The following SFSWAP variants were observed in gnomAD, a reference collection of about 807,000 sequenced individuals.
SFSWAP encodes the protein splicing factor, suppressor of white-apricot homolog.
In SFSWAP, 17 loss-of-function variants were observed where a neutral mutation model predicts 100.7. The observed-to-expected ratio is 0.17, with a 90% CI of 0.12 to 0.25. The LOEUF is 0.25. Among genes scored for constraint, SFSWAP ranks in the 10% least tolerant of loss-of-function variants. The pLI is 1.00. For missense variants in SFSWAP, 1,005 were observed against 1,262.6 expected, an observed-to-expected ratio of 0.80 and a Z score of 3.09; for synonymous variants, 504 against 510.1, an observed-to-expected ratio of 0.99 and a Z score of 0.16.
Position 131,786,494 on chromosome 12 carries a change from C to T in SFSWAP, c.2440C>T (p.His814Tyr), listed in dbSNP as rs1476031066. ...CTCCCGGTCCCCTCGGAGGAGAGCC[C>T]ACTCCCCTGAGAGACGGAGGGAAGA... ...SRSRSPRRRA[H>Y]SPERRREERS... The change falls in exon 15 of 18, where the codon CAC becomes TAC. Residue 814 changes from histidine to tyrosine, a missense_variant. This residue lies in a region of SFSWAP where 295 missense variants were observed against 347.9 expected (regional missense o/e 0.85). Transcript: ENST00000261674. 1.3e-6 allele frequency: 2 copies of T among 1,586,270 alleles called. No homozygotes were observed. The highest frequency in any genetic ancestry group is 1.7e-6 in the Non-Finnish European group (2 of 1,167,364).
chr12:131,761,456 G>A (rs1248193561), intron 11 of SFSWAP, among the ~76,000 whole-genome samples: 1 of 152,200 alleles, frequency 6.6e-6, no homozygotes, highest in East Asian at 1.9e-4. Context: ...CAGGAAAGAG[G>A]TTGGGCAGGG....
intron 9 of SFSWAP, among the ~76,000 whole-genome samples, chr12:131,754,780 C>T (rs181797086): frequency 5.3e-5 from 8 of 151,550 alleles, no homozygotes; most frequent in East Asian, 3.9e-4. Flanking sequence ...ACTACAGGCG[C>T]GCACCACCAC....
chr12:131,725,255 A>T lies in SFSWAP; in HGVS notation c.607-150A>T. ...ATCCTGTCAAGATTTGGAGATGAGGAGTCCGAACAGCCTGGGCTCTTCCAG... is the reference window on the plus strand; with the variant it reads ...ATCCTGTCAAGATTTGGAGATGAGGTGTCCGAACAGCCTGGGCTCTTCCAG... On this transcript the variant is annotated intron_variant, in intron 4 of 17. Coordinates refer to ENST00000261674, the MANE Select transcript of SFSWAP (RefSeq NM_004592.4). This position sits in a 1 kb window ranked among gnomAD's most constrained non-coding sequence, Gnocchi z 4.3. 1.5e-6 allele frequency: 1 copy of T among 684,966 alleles called. No individual in the cohort carries two copies. The highest frequency in any genetic ancestry group is 2.5e-6 in the Non-Finnish European group (1 of 396,632). 42.4% of individuals were successfully genotyped at this position (684,966 alleles called of 1,614,324 possible).
At chr12:131,785,215 G>A (rs1884805032) in intron 14 of SFSWAP, 2 of 1,534,812 alleles carry the variant, frequency 1.3e-6, no homozygotes, top group Admixed American at 3.9e-5. Flanking sequence ...GGGAAAACCT[G>A]GTAAAACGTC....
At chr12:131,764,419 T>C in intron 11 of SFSWAP, 37 bp from the exon 12 acceptor site, 1 of 1,561,242 alleles carries the variant, frequency 6.4e-7, no homozygotes, top group Non-Finnish European at 8.8e-7. Context: ...ATTTCCACTC[T>C]GTAACATGTA....
intron 7 of SFSWAP, among the ~76,000 whole-genome samples, chr12:131,752,237 C>T (rs556298917): frequency 2.2e-4 from 34 of 152,190 alleles, no homozygotes; most frequent in African/African-American, 7.0e-4. Flanking sequence ...GTTCTTAATT[C>T]GAAAAATATT....
At chr12:131,764,416 C>A in intron 11 of SFSWAP, 40 bp from the exon 12 acceptor site, 1 of 1,549,620 alleles carries the variant, frequency 6.5e-7, no homozygotes, top group Non-Finnish European at 8.9e-7. Context: ...AAGATTTCCA[C>A]TCTGTAACAT....
rs1168434018 is a variant in SFSWAP, at chr12:131,725,330, T to A, written c.607-75T>A. Reference sequence around the variant, plus strand: ...TTGACAGTAAAACCAGAGTCATTTCTATGTTTTAATGAAATCACGTGGCCG... The same window carrying A: ...TTGACAGTAAAACCAGAGTCATTTCAATGTTTTAATGAAATCACGTGGCCG... On this transcript the variant is annotated intron_variant, in intron 4 of 17. Transcript: ENST00000261674. The surrounding 1 kb of genome is among the most constrained non-coding windows in gnomAD (Gnocchi z 4.3). 4.1e-6 allele frequency: 5 copies of A among 1,224,464 alleles called. No individual in the cohort carries two copies. Among genetic ancestry groups the A allele is most frequent in the African/African-American group, 1.5e-5 (1 of 67,064 alleles). The allele number at this position is 1,224,464 out of a possible 1,614,324, so 75.8% of individuals were successfully genotyped here.
chr12:131,778,809 C>T lies in SFSWAP; in HGVS notation c.2408+479C>T, dbSNP rs1015999661. 2.0e-5 allele frequency among the ~76,000 whole-genome samples: 3 copies of T among 152,074 alleles called. No homozygotes were observed. The highest frequency in any genetic ancestry group is 1.9e-4 in the East Asian group (1 of 5,130). On this transcript the variant is annotated intron_variant, in intron 14 of 17. Transcript: ENST00000261674. The surrounding 1 kb of genome is among the most constrained non-coding windows in gnomAD (Gnocchi z 4.2). The stretch of plus-strand genomic sequence containing the variant: ...CTGGGATTACAGGCCTAAGCCACCG[C>T]GCAGGCCTATACTTAACTTTTCAAA...
At chr12:131,746,826 C>T (rs916779125) in intron 7 of SFSWAP, among the ~76,000 whole-genome samples, 9 of 152,112 alleles carry the variant, frequency 5.9e-5, no homozygotes, top group Non-Finnish European at 7.4e-5. Flanking sequence ...TCATGCTGGC[C>T]GGGCATGCTG....
chr12:131,753,143 T>C lies in SFSWAP; in HGVS notation c.1102T>C (p.Tyr368His), dbSNP rs781760941. Reference protein sequence around the residue: ...TADSTVAAMYYSYYMLPDGTY... With the variant: ...TADSTVAAMYHSYYMLPDGTY... ...CACAGCGACCGTGGCAGCCATGTAT[T>C]ACAGCTACTACATGCTACCGGACGG... The change falls in exon 8 of 18, where the codon TAC becomes CAC. Residue 368 changes from tyrosine (Y) to histidine (H), a missense_variant. This residue lies in a region of SFSWAP where 311 missense variants were observed against 317.8 expected (regional missense o/e 0.98). Transcript: ENST00000261674. 1 of 1,614,162 alleles carries C rather than the reference T, an allele frequency of 6.2e-7. No individual in the cohort carries two copies. Among genetic ancestry groups the C allele is most frequent in the Non-Finnish European group, 8.5e-7 (1 of 1,180,026 alleles).
At chr12:131,747,021 A>G (rs543652054) in intron 7 of SFSWAP, among the ~76,000 whole-genome samples, 63 of 148,084 alleles carry the variant, frequency 4.3e-4, no homozygotes, top group East Asian at 3.1e-3. Context: ...GGAGAATGGC[A>G]TCAACCCGGG....
rs1877662823 is a variant in SFSWAP, at chr12:131,714,108, T to C, written c.256T>C (p.Tyr86His). ...GRGHLHDLSE[Y>H]DAEYSTWNRD... ...TGGTCACCTGCATGACCTTTCTGAG[T>C]ACGATGCTGAGTATTCCACGTGGAA... Residue 86 changes from tyrosine (Y) to histidine (H), a missense_variant, in exon 2 of 18, where the codon TAC (tyrosine) becomes CAC (histidine). Tyr to His is a moderately conservative substitution (Grantham distance 83). Around this residue, in one of 7 missense-constraint regions of SFSWAP, gnomAD observed 237 missense variants for 337.0 expected, o/e 0.70. Coordinates refer to ENST00000261674, the MANE Select transcript of SFSWAP (RefSeq NM_004592.4). This position sits in a 1 kb window ranked among gnomAD's most constrained non-coding sequence, Gnocchi z 6.0. 6.2e-7 allele frequency: 1 copy of C among 1,613,808 alleles called. No individual in the cohort carries two copies. The highest frequency in any genetic ancestry group is 8.5e-7 in the Non-Finnish European group (1 of 1,179,968).
chr12:131,734,693 G>T lies in SFSWAP; in HGVS notation c.1081+6265G>T. Among the ~76,000 whole-genome samples, 1 of 152,238 alleles carries T rather than the reference G, an allele frequency of 6.6e-6. No individual in the cohort carries two copies. Among genetic ancestry groups the T allele is most frequent in the East Asian group, 1.9e-4 (1 of 5,198 alleles). On this transcript the variant is annotated intron_variant, in intron 7 of 17. Coordinates refer to ENST00000261674, the MANE Select transcript of SFSWAP (RefSeq NM_004592.4). This position sits in a 1 kb window ranked among gnomAD's most constrained non-coding sequence, Gnocchi z 4.9. ...ACATTCACCGAGTAACTTCAGAAAA[G>T]TGAAGAGCAGAAGTTCCAAAAGCAC...
At chr12:131,749,899 C>A (rs2136219396) in intron 7 of SFSWAP, among the ~76,000 whole-genome samples, 1 of 152,326 alleles carries the variant, frequency 6.6e-6, no homozygotes, top group African/African-American at 2.4e-5. Flanking sequence ...AGAGCAAAGG[C>A]CTCCTGAGTC....
At chr12:131,728,831 G>A (rs556930189) in intron 7 of SFSWAP, among the ~76,000 whole-genome samples, 23 of 152,126 alleles carry the variant, frequency 1.5e-4, no homozygotes, top group African/African-American at 5.5e-4. Context: ...TCTCTAGTAG[G>A]TGGGACTACA....
intron 13 of SFSWAP, among the ~76,000 whole-genome samples, chr12:131,774,129 C>T (rs375391877): frequency 2.6e-5 from 4 of 152,030 alleles, no homozygotes; most frequent in South Asian, 2.1e-4. Context: ...CTGCGGGGCA[C>T]GGGGCGCTGG....
chr12:131,753,017 G>A (rs1344438157), intron 7 of SFSWAP, 106 bp from the exon 8 acceptor site: 2 of 1,509,242 alleles, frequency 1.3e-6, no homozygotes, highest in South Asian at 1.2e-5. Flanking sequence ...AGTGAGCAGA[G>A]GCAAGGCTGC....
intron 13 of SFSWAP, among the ~76,000 whole-genome samples, chr12:131,777,566 G>A (rs879855032): frequency 2.6e-5 from 4 of 152,106 alleles, no homozygotes; most frequent in African/African-American, 7.2e-5. Context: ...GCGTTGGTTC[G>A]AAATCTTTGC....
Sources: allele counts gnomAD v4.1 joint callset (sites outside exome capture counted in the v4.1 genomes callset), GRCh38; gene constraint gnomAD v4.1.1; regional missense constraint gnomAD v4.1.1; non-coding constraint Gnocchi (gnomAD v3.1); transcripts MANE v1.5; gene names NCBI Gene and HGNC (gene_info 2026-07-23, HGNC 2026-07-21).